PRR11: variants seen among roughly 807,000 people sequenced by gnomAD.
PRR11 encodes proline-rich protein 11.
A neutral mutation model predicts 45.6 loss-of-function variants in PRR11; 30 were observed. The ratio of observed to expected loss-of-function variants is 0.66; its 90% CI spans 0.49 to 0.89. The LOEUF (loss-of-function observed/expected upper bound fraction) is 0.89. PRR11 is among the 40% of genes least tolerant of loss of function. PRR11 has a pLI of 0.00. For missense variants in PRR11, 373 were observed against 424.8 expected (o/e 0.88, Z 1.07); for synonymous variants, 128 against 153.5 (o/e 0.83, Z 1.23).
In PRR11 at chr17:59,195,275, C is replaced by T; in HGVS notation, c.745-56C>T. The T allele has an allele frequency of 5.8e-6, 8 of 1,374,858 alleles. No individual in the cohort carries two copies. The South Asian group carries it at 9.4e-5, about 16-fold the overall frequency. 85.2% of individuals were successfully genotyped at this position (1,374,858 alleles called of 1,614,324 possible). ...GATATTTGCCGTTTTTGCATGTTTA[C>T]ATTTTGAGTGATATTTTAAAATTTG... On this transcript the variant is annotated intron_variant, in intron 6 of 9. Coordinates refer to ENST00000262293, the MANE Select transcript of PRR11 (RefSeq NM_018304.4).
intron 9 of PRR11, among the ~76,000 whole-genome samples, chr17:59,198,025 G>T (rs2046875135): frequency 6.6e-6 from 1 of 152,038 alleles, no homozygotes; most frequent in South Asian, 2.1e-4. Flanking sequence ...TGTGTTGGAG[G>T]ATCACTTGAG....
chr17:59,156,638 C>A (rs1159832989), intron 1 of PRR11, among the ~76,000 whole-genome samples: 2 of 151,328 alleles, frequency 1.3e-5, no homozygotes, highest in Non-Finnish European at 2.9e-5. Context: ...GAACAAAGAA[C>A]TTTTCTTCTC....
intron 9 of PRR11, among the ~76,000 whole-genome samples, chr17:59,199,420 G>A (rs2046882029): frequency 6.6e-6 from 1 of 152,188 alleles, no homozygotes; most frequent in Non-Finnish European, 1.5e-5. Flanking sequence ...TGGAGATGTA[G>A]TTAGGAGTCA....
chr17:59,193,726 G>C lies in PRR11; in HGVS notation c.637G>C (p.Ala213Pro). ...GCTCAGAAAACCCAGTCTCGCTAAA[G>C]CACTTCAGGTAGGTAACAATCTAGT... Reference protein sequence around the residue: ...VLLRKPSLAKALQAGPLKKDG... With the variant: ...VLLRKPSLAKPLQAGPLKKDG... Residue 213 changes from alanine (A) to proline (P), a missense_variant, in exon 5 of 10, where the codon GCA (alanine) becomes CCA (proline). Coordinates refer to ENST00000262293, the MANE Select transcript of PRR11 (RefSeq NM_018304.4). The C allele has an allele frequency of 6.2e-7, 1 of 1,613,800 alleles. No homozygotes were observed. The highest frequency in any genetic ancestry group is 8.5e-7 in the Non-Finnish European group (1 of 1,179,708).
chr17:59,180,501 T>TTTTTTTTTGTTTTTTTTG (rs57628359), intron 2 of PRR11, among the ~76,000 whole-genome samples: 4 of 116,210 alleles, frequency 3.4e-5, no homozygotes, highest in Admixed American at 1.7e-4. Flanking sequence ...TCCTTGTTTT[T>TTTTTTTTTGTTTTTTTTG]TTTTTTTTGT....
intron 1 of PRR11, among the ~76,000 whole-genome samples, chr17:59,161,366 C>G (rs1186907760): frequency 2.0e-5 from 3 of 147,750 alleles, no homozygotes; most frequent in African/African-American, 7.6e-5. Context: ...GAGATCATGC[C>G]ACTGCACTCC....
chr17:59,170,107 G>A (rs762523765), intron 2 of PRR11, among the ~76,000 whole-genome samples: 3 of 151,926 alleles, frequency 2.0e-5, no homozygotes, highest in Non-Finnish European at 4.4e-5. Flanking sequence ...ACAAAAATTA[G>A]CCTGCGTGGT....
Position 59,197,467 on chromosome 17 carries a change from G to A in PRR11, c.858-77G>A, listed in dbSNP as rs2046872068. ...AAGGTTTCACCGTGTTAGCAAGGAT[G>A]GTCTTGATCTCCTGACCTTGTGATC... On this transcript the variant is annotated intron_variant, in intron 7 of 9. Transcript: ENST00000262293. 4.6e-6 allele frequency: 6 copies of A among 1,294,586 alleles called. No individual in the cohort carries two copies. The African/African-American group carries it at 5.9e-5, about 13-fold the overall frequency. The allele number at this position is 1,294,586 out of a possible 1,614,324, so 80.2% of individuals were successfully genotyped here. A position where few individuals can be genotyped will look rare whatever the true frequency, so the allele number is the denominator to read the frequency against.
chr17:59,183,523 C>G (rs1475266617), intron 2 of PRR11, among the ~76,000 whole-genome samples: 18 of 152,170 alleles, frequency 1.2e-4, no homozygotes. Context: ...AGATTCTATA[C>G]TGGGGGTACA....
chr17:59,197,236 A>C (rs1269422501), intron 7 of PRR11, among the ~76,000 whole-genome samples: 1 of 150,620 alleles, frequency 6.6e-6, no homozygotes, highest in African/African-American at 2.4e-5. Context: ...AAAAAATAAT[A>C]AAATCTGGCA....
chr17:59,201,858 C>T lies in PRR11; in HGVS notation c.*227C>T. ...TAGTGGCGGGTGCCTGTAATCCCAG[C>T]TATGCGGGAGGCTAAGGCAGGAGAA... is the stretch of plus-strand genomic sequence containing the variant. On this transcript the variant is annotated 3_prime_UTR_variant, in exon 10 of 10. Transcript: ENST00000262293. 2.1e-6 allele frequency: 1 copy of T among 473,068 alleles called. No homozygotes were observed. The highest frequency in any genetic ancestry group is 2.4e-5 in the South Asian group (1 of 41,816). The allele number at this position is 473,068 out of a possible 1,614,324, so 29.3% of individuals were successfully genotyped here.
intron 7 of PRR11, among the ~76,000 whole-genome samples, chr17:59,196,237 A>G (rs1369022903): frequency 1.3e-5 from 2 of 152,180 alleles, no homozygotes; most frequent in African/African-American, 2.4e-5. Flanking sequence ...TTCATGATAT[A>G]CTGAATGGGA....
chr17:59,181,530 C>T, intron 2 of PRR11: 1 of 1,178,478 alleles, frequency 8.5e-7, no homozygotes, highest in Non-Finnish European at 1.2e-6. Context: ...TGTTGAAGTC[C>T]TCATGGTGCT....
chr17:59,194,296 C>T (rs1013530420), intron 5 of PRR11, among the ~76,000 whole-genome samples: 1 of 149,520 alleles, frequency 6.7e-6, no homozygotes, highest in Non-Finnish European at 1.5e-5. Context: ...CACACACACA[C>T]ACACACACAA....
At chr17:59,172,127 A>G (rs2046712304) in intron 2 of PRR11, among the ~76,000 whole-genome samples, 1 of 152,218 alleles carries the variant, frequency 6.6e-6, no homozygotes, top group Non-Finnish European at 1.5e-5. Flanking sequence ...GTTACAGTCT[A>G]TGGCACTCAT....
At chr17:59,180,944 G>A (rs1172461482) in intron 2 of PRR11, among the ~76,000 whole-genome samples, 1 of 151,712 alleles carries the variant, frequency 6.6e-6, no homozygotes, top group East Asian at 1.9e-4. Flanking sequence ...TGGGATCTCA[G>A]GCATCAGCCA....
rs1477477885 is a variant in PRR11 at position 59,181,793 on chromosome 17, C to T, written c.129-3261C>T. 5.2e-6 allele frequency: 8 copies of T among 1,545,972 alleles called. No homozygotes were observed. In the African/African-American group the frequency reaches 1.1e-4, roughly 21 times the overall value. On this transcript the variant is annotated intron_variant, in intron 2 of 9. Transcript: ENST00000262293. ...ACCATGTAATGCTTCTGCAACTGAT[C>T]ACCTTAGACCCCGACCCCGACCCCA...
At chr17:59,162,610 T>C (rs1380026201) in intron 1 of PRR11, among the ~76,000 whole-genome samples, 4 of 152,222 alleles carry the variant, frequency 2.6e-5, no homozygotes, top group Non-Finnish European at 5.9e-5. Flanking sequence ...TTATTTCTTC[T>C]GGTATTTACC....
At chr17:59,185,006 A>C in intron 2 of PRR11, 48 bp from the exon 3 acceptor site, 1 of 1,573,850 alleles carries the variant, frequency 6.4e-7, no homozygotes, top group Non-Finnish European at 8.7e-7. Context: ...CAAGGCTATT[A>C]TTCTGACTTA....
Sources: gnomAD v4.1 joint callset for allele counts (sites outside exome capture counted in the v4.1 genomes callset) on GRCh38, gnomAD v4.1.1 for gene constraint, MANE v1.5 for transcripts, NCBI Gene and HGNC (gene_info 2026-07-23, HGNC 2026-07-21) for gene names.